The following KLF8 variants were observed in gnomAD, a reference collection of about 807,000 sequenced individuals.
KLF8 encodes KLF transcription factor 8, also known as Krueppel-like factor 8.
KLF8 carries 10 observed loss-of-function variants against 18.2 expected under a neutral mutation model. The observed-to-expected ratio is 0.55, with a 90% CI of 0.34 to 0.93. The LOEUF (loss-of-function observed/expected upper bound fraction) is 0.93, where lower values mean the gene tolerates loss of function less well. KLF8 is among the 40% of genes least tolerant of loss of function. KLF8 has a pLI of 0.02. For synonymous variants in KLF8, 109 were observed against 97.3 expected, an observed-to-expected ratio of 1.12 and a Z score of -0.71; for missense variants, 264 against 277.9, an observed-to-expected ratio of 0.95 and a Z score of 0.36.
At chrX:56,204,358 A>G in the KLF8 span, among the ~76,000 whole-genome samples, 6 of 111,802 alleles carry the variant, frequency 5.4e-5, no homozygotes, top group African/African-American at 1.6e-4. Context: ...TGATCATATC[A>G]TCAGCAAACA....
At chrX:56,058,165 TATATATATATACACAC>T in the KLF8 span, among the ~76,000 whole-genome samples, 1 of 91,276 alleles carries the variant, frequency 1.1e-5, no homozygotes, top group African/African-American at 4.2e-5. Flanking sequence ...TGGGCATATA[TATATATATATACACAC>T]ATATATATAT....
chrX:56,137,622 G>A, the KLF8 span, among the ~76,000 whole-genome samples: 1 of 72,885 alleles, frequency 1.4e-5, no homozygotes, highest in Non-Finnish European at 2.4e-5. Flanking sequence ...GGAGGGGGGA[G>A]GGATAGCATT....
chrX:56,016,570 C>G, the KLF8 span, among the ~76,000 whole-genome samples: 2 of 111,588 alleles, frequency 1.8e-5, no homozygotes, highest in African/African-American at 6.5e-5. Context: ...AAGTACTTCA[C>G]GTTAAATAAG....
chrX:56,216,135 A>G, the KLF8 span, among the ~76,000 whole-genome samples: 1 of 109,405 alleles, frequency 9.1e-6, no homozygotes, highest in South Asian at 4.0e-4. Flanking sequence ...ATACTTATCT[A>G]AAATCAGCCT....
At chrX:56,016,382 C>T in the KLF8 span, among the ~76,000 whole-genome samples, 2 of 112,010 alleles carry the variant, frequency 1.8e-5, no homozygotes, top group African/African-American at 6.5e-5. Flanking sequence ...AATTTGTTTT[C>T]CTTCCATTTT....
chrX:56,022,952 A>G, the KLF8 span, among the ~76,000 whole-genome samples: 1 of 111,753 alleles, frequency 8.9e-6, no homozygotes, highest in Non-Finnish European at 1.9e-5. Flanking sequence ...CAATAATTTT[A>G]TATCACATCA....
chrX:56,067,234 C>T, the KLF8 span, among the ~76,000 whole-genome samples: 3 of 104,433 alleles, frequency 2.9e-5, no homozygotes, highest in Non-Finnish European at 6.0e-5. Context: ...TACGTGAGTA[C>T]CAGATGCCTC....
At chrX:56,050,380 T>C in the KLF8 span, among the ~76,000 whole-genome samples, 1 of 112,491 alleles carries the variant, frequency 8.9e-6, no homozygotes, top group Non-Finnish European at 1.9e-5. Flanking sequence ...TTTTAGATCT[T>C]TCCTGCTTTC....
intron 1 of KLF8, among the ~76,000 whole-genome samples, chrX:56,241,540 T>G (rs1252386946): frequency 8.9e-6 from 1 of 112,464 alleles, no homozygotes. Context: ...AACTTAATCC[T>G]TCTTGACATC....
At chrX:56,182,473 CA>C in the KLF8 span, among the ~76,000 whole-genome samples, 1 of 112,497 alleles carries the variant, frequency 8.9e-6, no homozygotes, top group Non-Finnish European at 1.9e-5. Flanking sequence ...GTTACCTCAT[CA>C]AAGTCATTCT....
At chrX:56,084,947 A>T in the KLF8 span, among the ~76,000 whole-genome samples, 2 of 112,184 alleles carry the variant, frequency 1.8e-5, no homozygotes, top group Non-Finnish European at 3.8e-5. Flanking sequence ...CCAATCAAGG[A>T]CTGAACAAAA....
At chrX:55,921,153 A>T in the KLF8 span, among the ~76,000 whole-genome samples, 1 of 112,582 alleles carries the variant, frequency 8.9e-6, no homozygotes, top group African/African-American at 3.2e-5. Flanking sequence ...AATATTCAGC[A>T]TATACAAGGA....
chrX:56,075,912 T>G, the KLF8 span, among the ~76,000 whole-genome samples: 1 of 111,906 alleles, frequency 8.9e-6, no homozygotes, highest in African/African-American at 3.2e-5. Flanking sequence ...AAACCATTCA[T>G]CTGTTGATGG....
chrX:56,067,781 G>T, the KLF8 span, among the ~76,000 whole-genome samples: 2 of 112,237 alleles, frequency 1.8e-5, no homozygotes, highest in Non-Finnish European at 3.8e-5. Context: ...AAACTGTTCA[G>T]ACTTTTTCAC....
At chrX:56,069,145 G>T in the KLF8 span, among the ~76,000 whole-genome samples, 1 of 112,299 alleles carries the variant, frequency 8.9e-6, no homozygotes, top group South Asian at 3.7e-4. Context: ...GCCACTGACA[G>T]CCAAGTGGGC....
chrX:55,997,518 G>A, the KLF8 span, among the ~76,000 whole-genome samples: 1 of 111,538 alleles, frequency 9.0e-6, no homozygotes, highest in Non-Finnish European at 1.9e-5. Context: ...GGGCCAGTAT[G>A]ATTCCTGGTG....
At chrX:56,187,251 G>A in the KLF8 span, among the ~76,000 whole-genome samples, 9 of 111,663 alleles carry the variant, frequency 8.1e-5, no homozygotes, top group Admixed American at 4.8e-4. Flanking sequence ...ACACCTCTAC[G>A]CAAATAAACT....
the KLF8 span, among the ~76,000 whole-genome samples, chrX:56,056,185 T>G: frequency 9.0e-6 from 1 of 111,601 alleles, no homozygotes; most frequent in Non-Finnish European, 1.9e-5. Context: ...CTCATCTTTA[T>G]GGGCTTATGG....
At chrX:56,085,596 C>A in the KLF8 span, among the ~76,000 whole-genome samples, 1 of 112,110 alleles carries the variant, frequency 8.9e-6, no homozygotes, top group Non-Finnish European at 1.9e-5. Context: ...ATGCTAATCT[C>A]TTCTAGAAAC....
Sources: allele counts gnomAD v4.1 joint callset (sites outside exome capture counted in the v4.1 genomes callset), GRCh38; gene constraint gnomAD v4.1.1; transcripts MANE v1.5; gene names NCBI Gene and HGNC (gene_info 2026-07-23, HGNC 2026-07-21).